The following GADL1 variants were observed in gnomAD, a reference collection of about 807,000 sequenced individuals.
The protein encoded by GADL1 is GAD like acidic amino acid decarboxylase 1.
In GADL1, 71 loss-of-function variants were observed where a neutral mutation model predicts 69.5. The ratio of observed to expected loss-of-function variants is 1.02; its 90% CI spans 0.84 to 1.25. The LOEUF is 1.25. Among genes scored for constraint, GADL1 ranks in the 50% most tolerant of loss-of-function variants. The probability of loss-of-function intolerance (pLI) is 0.00; values close to 1 mark genes in which losing one functional copy is unlikely to be tolerated. For missense variants in GADL1, 737 were observed against 631.8 expected (o/e 1.17, Z -1.79); for synonymous variants, 254 against 214.4 (o/e 1.18, Z -1.62).
At chr3:30,838,953 A>G (rs1697918406) in intron 9 of GADL1, 44 bp downstream of exon 9, 1 of 1,215,970 alleles carries the variant, frequency 8.2e-7, no homozygotes. Context: ...AAGGCTACAA[A>G]AAGACCAAAG....
chr3:30,736,658 G>T (rs558636493), intron 14 of GADL1, among the ~76,000 whole-genome samples: 2 of 152,236 alleles, frequency 1.3e-5, no homozygotes, highest in South Asian at 2.1e-4. Context: ...TATGAGACAG[G>T]CTGCAAGTTT....
chr3:30,786,861 T>C (rs544752671), intron 12 of GADL1, among the ~76,000 whole-genome samples: 6 of 152,328 alleles, frequency 3.9e-5, no homozygotes, highest in Non-Finnish European at 8.8e-5. Context: ...AACATAATCT[T>C]TTCTAAGTCC....
At chr3:30,817,157 G>A (rs1441864251) in intron 11 of GADL1, among the ~76,000 whole-genome samples, 1 of 152,106 alleles carries the variant, frequency 6.6e-6, no homozygotes, top group African/African-American at 2.4e-5. Flanking sequence ...ATGCGTGTCT[G>A]TTTTTGGTTC....
chr3:30,856,128 A>T (rs561410747), intron 3 of GADL1, among the ~76,000 whole-genome samples: 1 of 152,136 alleles, frequency 6.6e-6, no homozygotes, highest in South Asian at 2.1e-4. Context: ...ATGCTAACTG[A>T]GTTTTTGATA....
At chr3:30,869,466 G>A (rs1023226304) in intron 1 of GADL1, among the ~76,000 whole-genome samples, 7 of 151,810 alleles carry the variant, frequency 4.6e-5, no homozygotes, top group African/African-American at 1.7e-4. Flanking sequence ...GGCGACAAAT[G>A]TGGCAACTTA....
chr3:30,744,170 A>C (rs1695667116), intron 14 of GADL1, among the ~76,000 whole-genome samples: 1 of 152,138 alleles, frequency 6.6e-6, no homozygotes, highest in East Asian at 1.9e-4. Flanking sequence ...GATCTAGGTG[A>C]GTTCTACTTT....
At chr3:30,812,011 T>C (rs1462695701) in intron 11 of GADL1, among the ~76,000 whole-genome samples, 2 of 152,212 alleles carry the variant, frequency 1.3e-5, no homozygotes, top group Admixed American at 6.5e-5. Flanking sequence ...ACATTCATGT[T>C]GGGACTACAG....
intron 14 of GADL1, among the ~76,000 whole-genome samples, chr3:30,770,646 C>T (rs1015086343): frequency 2.0e-5 from 3 of 152,128 alleles, no homozygotes; most frequent in African/African-American, 7.2e-5. Context: ...CTGGTCTCAT[C>T]CTAACCTCAG....
chr3:30,814,481 AT>A (rs1697423189), intron 11 of GADL1, among the ~76,000 whole-genome samples: 2 of 152,182 alleles, frequency 1.3e-5, no homozygotes, highest in Non-Finnish European at 2.9e-5. Flanking sequence ...TATGATCTCT[AT>A]CACAACCACT....
chr3:30,824,790 A>T (rs1575222322), intron 11 of GADL1, among the ~76,000 whole-genome samples: 1 of 151,902 alleles, frequency 6.6e-6, no homozygotes, highest in Admixed American at 6.6e-5. Flanking sequence ...CAAGCAAGAA[A>T]GTATCAGAAA....
At chr3:30,750,198 C>G (rs1427078521) in intron 14 of GADL1, among the ~76,000 whole-genome samples, 1 of 152,136 alleles carries the variant, frequency 6.6e-6, no homozygotes, top group African/African-American at 2.4e-5. Context: ...ACAGAAGGCG[C>G]TAAAATTACA....
At chr3:30,864,537 T>C (rs1396535338) in intron 1 of GADL1, among the ~76,000 whole-genome samples, 3 of 151,976 alleles carry the variant, frequency 2.0e-5, no homozygotes, top group Admixed American at 6.6e-5. Context: ...TAAAAATCTA[T>C]ACAGAAATGG....
chr3:30,778,071 C>G (rs1359479530), intron 14 of GADL1, 108 bp downstream of exon 14: 5 of 663,586 alleles, frequency 7.5e-6, no homozygotes, highest in Middle Eastern at 7.8e-4. Flanking sequence ...GAAGACACTT[C>G]TCTAGATAAT....
chr3:30,885,471 A>G (rs903565706), intron 1 of GADL1, among the ~76,000 whole-genome samples: 6 of 152,144 alleles, frequency 3.9e-5, no homozygotes, highest in African/African-American at 1.2e-4. Flanking sequence ...TAAGCAAAAC[A>G]AAAGCTTCAT....
chr3:30,883,809 T>G (rs1237896461), intron 1 of GADL1, among the ~76,000 whole-genome samples: 1 of 152,084 alleles, frequency 6.6e-6, no homozygotes, highest in Admixed American at 6.6e-5. Flanking sequence ...GTGTCTTTAA[T>G]TTCTTTTAGC....
intron 12 of GADL1, among the ~76,000 whole-genome samples, chr3:30,795,655 AAAG>A (rs1363867003): frequency 6.6e-6 from 1 of 152,198 alleles, no homozygotes; most frequent in African/African-American, 2.4e-5. Flanking sequence ...ATTTGAAAAG[AAAG>A]AAATCATGAA....
chr3:30,732,794 A>T (rs1474510972), intron 14 of GADL1, among the ~76,000 whole-genome samples: 1 of 152,210 alleles, frequency 6.6e-6, no homozygotes, highest in East Asian at 1.9e-4. Context: ...ATGGTTGCTC[A>T]CGCCTGTAAT....
In GADL1 at chr3:30,728,049, A is replaced by C; in HGVS notation, c.*193T>G. The stretch of plus-strand genomic sequence containing the variant: ...TTTTTTTTTTAAACTTTCTTCTTTT[A>C]GCAACAGTAATGCCCAGGCAGCTAG... On this transcript the variant is annotated 3_prime_UTR_variant, in exon 15 of 15. Transcript: ENST00000282538. 2.1e-6 allele frequency: 1 copy of C among 471,206 alleles called. No homozygotes were observed. 29.2% of individuals were successfully genotyped at this position (471,206 alleles called of 1,614,324 possible).
intron 9 of GADL1, among the ~76,000 whole-genome samples, chr3:30,835,808 C>A (rs1163671352): frequency 2.0e-5 from 3 of 151,994 alleles, no homozygotes; most frequent in African/African-American, 7.2e-5. Context: ...CCCAAGGATT[C>A]CCAGGTAAAG....
Sources: allele counts gnomAD v4.1 joint callset (sites outside exome capture counted in the v4.1 genomes callset), GRCh38; gene constraint gnomAD v4.1.1; transcripts MANE v1.5; gene names NCBI Gene and HGNC (gene_info 2026-07-23, HGNC 2026-07-21).